UBE4B: variants seen among roughly 807,000 people sequenced by gnomAD.
UBE4B encodes ubiquitination factor E4B.
Under a neutral mutation model 148.1 loss-of-function variants are expected in UBE4B, and 27 were observed. That is an observed-to-expected ratio of 0.18 (90% CI 0.13 to 0.25). The LOEUF (loss-of-function observed/expected upper bound fraction) is 0.25. Among genes scored for constraint, UBE4B ranks in the 10% least tolerant of loss-of-function variants. The pLI, the probability that UBE4B is intolerant of heterozygous loss-of-function variation, is 1.00. For missense variants in UBE4B, 1,170 were observed against 1,662.4 expected (o/e 0.70, Z 5.15); for synonymous variants, 596 against 619.3 (o/e 0.96, Z 0.56).
At chr1:10,143,549 A>G (rs1645817731) in intron 17 of UBE4B, among the ~76,000 whole-genome samples, 1 of 152,004 alleles carries the variant, frequency 6.6e-6, no homozygotes. Context: ...CATCCAAGAT[A>G]CTCTTCCCAT....
rs567446672 is a variant in UBE4B at position 10,168,376 on chromosome 1, G to C, written c.3333+106G>C. ...AAGTTCTGGAAATTTTAGGATCACA[G>C]TCATCAATAAGTGAAATTCTGTGAC... On this transcript the variant is annotated intron_variant, in intron 24 of 27. Transcript: ENST00000343090. The surrounding 1 kb of genome is among the most constrained non-coding windows in gnomAD (Gnocchi z 4.9). 18 of 1,465,194 alleles carry C rather than the reference G, an allele frequency of 1.2e-5. No homozygotes were observed. The highest frequency in any genetic ancestry group is 1.6e-5 in the Non-Finnish European group (18 of 1,096,054). 90.8% of individuals were successfully genotyped at this position (1,465,194 alleles called of 1,614,324 possible).
chr1:10,055,177 G>A (rs565283106), intron 1 of UBE4B, among the ~76,000 whole-genome samples: 2 of 152,310 alleles, frequency 1.3e-5, no homozygotes, highest in Admixed American at 1.3e-4. Flanking sequence ...GGCTTGAAAT[G>A]TTATGATTAG....
intron 13 of UBE4B, 31 bp from the exon 14 acceptor site, chr1:10,130,684 T>C (rs1205811744): frequency 1.2e-6 from 2 of 1,612,848 alleles, no homozygotes; most frequent in African/African-American, 1.3e-5. Flanking sequence ...GTGCATTATA[T>C]GTTGACTGCA....
intron 3 of UBE4B, among the ~76,000 whole-genome samples, chr1:10,097,052 A>AAAAAAAAAAAAATAAT (rs554089049): frequency 7.2e-6 from 1 of 138,516 alleles, no homozygotes; most frequent in African/African-American, 2.6e-5. Context: ...AAAAAAAAAA[A>AAAAAAAAAAAAATAAT]AATAATAATA....
chr1:10,100,228 A>T (rs1328306221), intron 3 of UBE4B, among the ~76,000 whole-genome samples: 1 of 152,108 alleles, frequency 6.6e-6, no homozygotes, highest in African/African-American at 2.4e-5. Flanking sequence ...TGACCTTGTG[A>T]TCCGCCCACC....
At chr1:10,064,865 G>A (rs963973778) in intron 1 of UBE4B, among the ~76,000 whole-genome samples, 1 of 151,734 alleles carries the variant, frequency 6.6e-6, no homozygotes, top group African/African-American at 2.4e-5. Context: ...CCGGGTTCAA[G>A]CAATTCTCCT....
intron 7 of UBE4B, among the ~76,000 whole-genome samples, chr1:10,113,032 C>T (rs1209138285): frequency 2.0e-5 from 3 of 152,086 alleles, no homozygotes; most frequent in Non-Finnish European, 4.4e-5. Context: ...ATTTGCATTG[C>T]CATACAGAAA....
chr1:10,125,080 C>T (rs752886293), intron 10 of UBE4B, among the ~76,000 whole-genome samples: 4 of 152,094 alleles, frequency 2.6e-5, no homozygotes, highest in Admixed American at 1.3e-4. Context: ...TAGCTGAGAT[C>T]GCGCCACTGC....
chr1:10,078,895 C>T (rs954640594), intron 2 of UBE4B, among the ~76,000 whole-genome samples: 14 of 152,088 alleles, frequency 9.2e-5, no homozygotes, highest in African/African-American at 2.4e-4. Context: ...TAGCTCATTG[C>T]GGCCACAAAC....
intron 1 of UBE4B, among the ~76,000 whole-genome samples, chr1:10,036,464 A>G (rs1643536199): frequency 6.6e-6 from 1 of 152,136 alleles, no homozygotes; most frequent in Admixed American, 6.6e-5. Context: ...AGCAGAACCT[A>G]GAACAAATAA....
chr1:10,104,399 T>A (rs1435091179), intron 5 of UBE4B, among the ~76,000 whole-genome samples: 1 of 152,128 alleles, frequency 6.6e-6, no homozygotes, highest in East Asian at 1.9e-4. Context: ...ATCACTGGAA[T>A]GTAACTTCCC....
At chr1:10,087,910 C>G (rs971152001) in intron 2 of UBE4B, among the ~76,000 whole-genome samples, 3 of 152,138 alleles carry the variant, frequency 2.0e-5, no homozygotes, top group African/African-American at 7.2e-5. Context: ...TTCTCCCCTG[C>G]TATGTATTTA....
In UBE4B at chr1:10,168,704, AAC is replaced by A. The variant is rs1646292540; in HGVS notation, c.3333+438_3333+439del. ...TCAGGAGATGGAGACCATCCTGGCT[AAC>A]ACAGTGAAACCCCATCTCTACTAAA... On this transcript the variant is annotated intron_variant, in intron 24 of 27. Coordinates refer to ENST00000343090, the MANE Select transcript of UBE4B (RefSeq NM_001105562.3). The surrounding 1 kb of genome is among the most constrained non-coding windows in gnomAD (Gnocchi z 4.9). Among the ~76,000 whole-genome samples, 1 of 152,158 alleles carries A rather than the reference AAC, an allele frequency of 6.6e-6. No homozygotes were observed. Among genetic ancestry groups the A allele is most frequent in the Non-Finnish European group, 1.5e-5 (1 of 68,018 alleles).
chr1:10,133,338 T>G (rs529275273), intron 15 of UBE4B, among the ~76,000 whole-genome samples: 2 of 152,368 alleles, frequency 1.3e-5, no homozygotes, highest in South Asian at 4.1e-4. Context: ...CAGTGACTCC[T>G]CTGTGCCTCC....
chr1:10,171,363 A>G lies in UBE4B; in HGVS notation c.3525+34A>G. 4 of 1,599,920 alleles carry G rather than the reference A, an allele frequency of 2.5e-6. No homozygotes were observed. In the South Asian group the frequency reaches 4.5e-5, roughly 18 times the overall value. On this transcript the variant is annotated intron_variant, in intron 25 of 27. Coordinates refer to ENST00000343090, the MANE Select transcript of UBE4B (RefSeq NM_001105562.3). ...GTTGAGTTGGTCTCTCTGTGAGTTT[A>G]CTGGCAGATTTGGAGATAATAACCA... is the stretch of plus-strand genomic sequence containing the variant.
At chr1:10,163,199 G>A (rs1467822562) in intron 23 of UBE4B, 1 of 151,946 alleles carries the variant, frequency 6.6e-6, no homozygotes, top group Non-Finnish European at 1.5e-5. Flanking sequence ...CCAAAGAGCT[G>A]GATCTACAAG....
intron 1 of UBE4B, among the ~76,000 whole-genome samples, chr1:10,036,635 C>G (rs1423757937): frequency 6.6e-6 from 1 of 151,890 alleles, no homozygotes; most frequent in Non-Finnish European, 1.5e-5. Flanking sequence ...GGAAAAATAT[C>G]TTTGAAGTTT....
At position 10,181,139 on chromosome 1, in the gene UBE4B, A is replaced by ATAC. The variant is rs1453117269; in HGVS notation, c.*1185_*1187dup. 2 of 152,360 alleles carry ATAC rather than the reference A, an allele frequency of 1.3e-5. No individual in the cohort carries two copies. Among genetic ancestry groups the ATAC allele is most frequent in the Non-Finnish European group, 2.9e-5 (2 of 67,996 alleles). 9.4% of individuals were successfully genotyped at this position (152,360 alleles called of 1,614,324 possible). A position where few individuals can be genotyped will look rare whatever the true frequency, so the allele number is the denominator to read the frequency against. On this transcript the variant is annotated 3_prime_UTR_variant, in exon 28 of 28. Transcript: ENST00000343090. ...TGAAGAAATTAAGTCTATAAAAAGC[A>ATAC]TACTTTCTTTTTTCTTTTCCTTTTT...
At position 10,168,368 on chromosome 1, in the gene UBE4B, G is replaced by A. The variant is rs113020505; in HGVS notation, c.3333+98G>A. On this transcript the variant is annotated intron_variant, in intron 24 of 27. Transcript: ENST00000343090. This position sits in a 1 kb window ranked among gnomAD's most constrained non-coding sequence, Gnocchi z 4.9. ...AGTTGTTGAAGTTCTGGAAATTTTA[G>A]GATCACAGTCATCAATAAGTGAAAT... 9.5e-4 allele frequency: 1,409 copies of A among 1,484,322 alleles called. 13 individuals are homozygous for A. The African/African-American group carries it at 0.017, about 18-fold the overall frequency. The allele number at this position is 1,484,322 out of a possible 1,614,324, so 91.9% of individuals were successfully genotyped here. A position where few individuals can be genotyped will look rare whatever the true frequency, so the allele number is the denominator to read the frequency against.
Sources: gnomAD v4.1 joint callset for allele counts (sites outside exome capture counted in the v4.1 genomes callset) on GRCh38, gnomAD v4.1.1 for gene constraint, Gnocchi (gnomAD v3.1) non-coding constraint, MANE v1.5 for transcripts, NCBI Gene and HGNC (gene_info 2026-07-23, HGNC 2026-07-21) for gene names.